Variants in GRK1 observed in about 807,000 individuals in gnomAD.
GRK1 encodes the protein rhodopsin kinase GRK1.
GRK1 carries 28 observed loss-of-function variants against 41.7 expected under a neutral mutation model. The ratio of observed to expected loss-of-function variants is 0.67; its 90% CI spans 0.50 to 0.92. GRK1 has a LOEUF of 0.92. Ranked by LOEUF, GRK1 falls within the 40% of genes least tolerant of loss-of-function variation. GRK1 has a pLI of 0.00. For missense variants in GRK1, 703 were observed against 671.2 expected, an observed-to-expected ratio of 1.05 and a Z score of -0.52; for synonymous variants, 327 against 286.7, an observed-to-expected ratio of 1.14 and a Z score of -1.42.
the GRK1 span, chr13:113,650,582 CGT>C: frequency 8.4e-7 from 1 of 1,187,756 alleles, no homozygotes; most frequent in East Asian, 2.3e-5. This position sits in a 1 kb window ranked among gnomAD's most constrained non-coding sequence, Gnocchi z 5.0. Flanking sequence ...CGTTTGTGTG[CGT>C]GTGTGCACAC....
At chr13:113,729,288 G>T (rs2049916486) in intron 4 of GRK1, among the ~76,000 whole-genome samples, 1 of 152,218 alleles carries the variant, frequency 6.6e-6, no homozygotes. Flanking sequence ...AGGCTCCATC[G>T]CTCCCTGATC....
At position 113,667,854 on chromosome 13, in the gene GRK1, C is replaced by A; in HGVS notation, c.468C>A (p.His156Gln). The A allele has an allele frequency of 6.3e-7, 1 of 1,588,874 alleles. No homozygotes were observed. The highest frequency in any genetic ancestry group is 8.6e-7 in the Non-Finnish European group (1 of 1,166,154). The change falls in exon 1 of 7, where the codon CAC (histidine) becomes CAA (glutamine). Residue 156 changes from histidine to glutamine, a missense_variant. By Grantham distance (24) the His-to-Gln change is conservative (BLOSUM62 0). Transcript: ENST00000335678. This position sits in a 1 kb window ranked among gnomAD's most constrained non-coding sequence, Gnocchi z 7.5. ...FQPLLQATLA[H>Q]LGQAPFQEYL... ...CCCTGCTGCAGGCCACCCTGGCACACCTGGGCCAAGCCCCCTTCCAGGAGT... is the reference window on the plus strand; with the variant it reads ...CCCTGCTGCAGGCCACCCTGGCACAACTGGGCCAAGCCCCCTTCCAGGAGT...
At chr13:113,729,193 G>A (rs1194935100) in intron 4 of GRK1, among the ~76,000 whole-genome samples, 3 of 152,206 alleles carry the variant, frequency 2.0e-5, no homozygotes, top group Non-Finnish European at 4.4e-5. Context: ...ACCTAGAGTA[G>A]GGGTGTTTGT....
At position 113,733,100 on chromosome 13, in the gene GRK1, C is replaced by T; in HGVS notation, c.1396+15C>T. 1.3e-6 allele frequency: 2 copies of T among 1,531,906 alleles called. No homozygotes were observed. The highest frequency in any genetic ancestry group is 2.4e-5 in the East Asian group (1 of 40,850). 94.9% of individuals were successfully genotyped at this position (1,531,906 alleles called of 1,614,324 possible). On this transcript the variant is annotated intron_variant, in intron 6 of 6. Coordinates refer to ENST00000335678, the MANE Select transcript of GRK1 (RefSeq NM_002929.3). ...GCTGGAGGCTGGTACTGTTGGACGC[C>T]TCAGCCCCGGAGAGGGTGGGGTTCT...
rs1186328227 is a variant in GRK1 at position 113,736,312 on chromosome 13, A to C, written c.*949A>C. 1 of 152,244 alleles carries C rather than the reference A, an allele frequency of 6.6e-6. No homozygotes were observed. Among genetic ancestry groups the C allele is most frequent in the East Asian group, 1.9e-4 (1 of 5,188 alleles). The allele number at this position is 152,244 out of a possible 1,614,324, so 9.4% of individuals were successfully genotyped here. On this transcript the variant is annotated 3_prime_UTR_variant, in exon 7 of 7. Transcript: ENST00000335678. Reference sequence around the variant, plus strand: ...ACACTTCAGGCCACGGGCCTTGTGCATAGGGACAGAGCTCCTTGCTGCAAC... The same window carrying C: ...ACACTTCAGGCCACGGGCCTTGTGCCTAGGGACAGAGCTCCTTGCTGCAAC...
chr13:113,734,075 T>C (rs540997125), intron 6 of GRK1, among the ~76,000 whole-genome samples: 4 of 152,220 alleles, frequency 2.6e-5, no homozygotes, highest in South Asian at 4.1e-4. Context: ...TGTGTGCGTG[T>C]ATGTGTGTGT....
At chr13:113,657,985 C>G in the GRK1 span, 1 of 1,474,856 alleles carries the variant, frequency 6.8e-7, no homozygotes. Context: ...GCTGCGTCCT[C>G]AGAGCGGCCC....
At position 113,667,228 on chromosome 13, in the gene GRK1, C is replaced by T; in HGVS notation, c.-159C>T. 1.4e-6 allele frequency: 1 copy of T among 722,814 alleles called. No homozygotes were observed. Among genetic ancestry groups the T allele is most frequent in the Non-Finnish European group, 2.2e-6 (1 of 454,906 alleles). 44.8% of individuals were successfully genotyped at this position (722,814 alleles called of 1,614,324 possible). On this transcript the variant is annotated 5_prime_UTR_variant, in exon 1 of 7. Transcript: ENST00000335678. The surrounding 1 kb of genome is among the most constrained non-coding windows in gnomAD (Gnocchi z 7.5). ...CTCCCAGGGGCTTCCCAGTGGTCCC[C>T]AGGAACCCTCGACAGGGCCAGGGCG...
At chr13:113,653,037 A>C in the GRK1 span, 1 of 1,613,420 alleles carries the variant, frequency 6.2e-7, no homozygotes, top group Non-Finnish European at 8.5e-7. Context: ...TCGGAGGTGC[A>C]GTTGATGCTG....
chr13:113,649,413 A>T, the GRK1 span: 1 of 1,591,734 alleles, frequency 6.3e-7, no homozygotes, highest in Non-Finnish European at 8.6e-7. The surrounding 1 kb of genome is among the most constrained non-coding windows in gnomAD (Gnocchi z 4.7). Flanking sequence ...CTTTCCCTTC[A>T]TACGGGTCGT....
At chr13:113,734,036 A>ATGTG (rs555370556) in intron 6 of GRK1, among the ~76,000 whole-genome samples, 1 of 107,856 alleles carries the variant, frequency 9.3e-6, no homozygotes, top group African/African-American at 3.3e-5. Context: ...GCGTGTGCGT[A>ATGTG]TGTGTGTGTG....
rs754377439 is a variant in GRK1, at chr13:113,669,805, G to A, written c.818G>A (p.Gly273Asp). ...LCLVMTIMNG[G>D]DIRYHIYNVN... ...CTGGTGATGACCATCATGAACGGAG[G>A]TGACATCAGGTAAGGGCTGGGCCAG... The change falls in exon 2 of 7, where the codon GGT (glycine) becomes GAT (aspartate). Residue 273 changes from glycine to aspartate, a missense_variant. Coordinates refer to ENST00000335678, the MANE Select transcript of GRK1 (RefSeq NM_002929.3). 1.9e-6 allele frequency: 3 copies of A among 1,613,920 alleles called. No homozygotes were observed. Among genetic ancestry groups the A allele is most frequent in the Non-Finnish European group, 2.5e-6 (3 of 1,179,830 alleles).
rs1014733808 is a variant in GRK1, at chr13:113,733,011, T to G, written c.1322T>G (p.Phe441Cys). Residue 441 changes from phenylalanine (F) to cysteine (C), a missense_variant, in exon 6 of 7, where the codon TTC becomes TGC. By Grantham distance (205) the Phe-to-Cys change is radical (BLOSUM62 -2). Coordinates refer to ENST00000335678, the MANE Select transcript of GRK1 (RefSeq NM_002929.3). ...AAGGACCCGGAGAAGCGCCTGGGGT[T>G]CAGAGATGAGACCTGCGACAAGCTC... is the stretch of plus-strand genomic sequence containing the variant. ...LEKDPEKRLG[F>C]RDETCDKLRA... 29 of 1,536,964 alleles carry G rather than the reference T, an allele frequency of 1.9e-5. No homozygotes were observed. Among genetic ancestry groups the G allele is most frequent in the Non-Finnish European group, 2.4e-5 (28 of 1,146,906 alleles).
chr13:113,733,903 GTGCA>G (rs1274077717), intron 6 of GRK1, among the ~76,000 whole-genome samples: 17 of 117,102 alleles, frequency 1.5e-4, no homozygotes, highest in Admixed American at 3.3e-4. Flanking sequence ...GTGTGTATGT[GTGCA>G]TACAGTGTGC....
At chr13:113,668,784 C>T (rs978911527) in intron 1 of GRK1, among the ~76,000 whole-genome samples, 3 of 152,220 alleles carry the variant, frequency 2.0e-5, no homozygotes, top group Admixed American at 1.3e-4. Flanking sequence ...TTTGACTCCA[C>T]GTGGCTCCTG....
chr13:113,734,072 G>C, intron 6 of GRK1, among the ~76,000 whole-genome samples: 1 of 152,130 alleles, frequency 6.6e-6, no homozygotes, highest in South Asian at 2.1e-4. Context: ...ATGTGTGTGC[G>C]TGTATGTGTG....
the GRK1 span, among the ~76,000 whole-genome samples, chr13:113,659,222 G>A: frequency 1.3e-5 from 2 of 152,244 alleles, no homozygotes; most frequent in African/African-American, 2.4e-5. Flanking sequence ...TTGGAGACAG[G>A]GGTCCTGGAT....
chr13:113,731,994 C>T lies in GRK1; in HGVS notation c.1194+651C>T, dbSNP rs771424127. On this transcript the variant is annotated intron_variant, in intron 5 of 6. Coordinates refer to ENST00000335678, the MANE Select transcript of GRK1 (RefSeq NM_002929.3). This position sits in a 1 kb window ranked among gnomAD's most constrained non-coding sequence, Gnocchi z 5.6. ...CCCCTGAGTGCCCCCTGGGCTGCCC[C>T]GGATCCTAGGCCACCAGAACTGCAA... Among the ~76,000 whole-genome samples the T allele has an allele frequency of 5.3e-5, 8 of 152,218 alleles. No homozygotes were observed. Among genetic ancestry groups the T allele is most frequent in the Non-Finnish European group, 8.8e-5 (6 of 68,026 alleles).
intron 6 of GRK1, among the ~76,000 whole-genome samples, chr13:113,733,944 G>A (rs867707293): frequency 1.3e-3 from 150 of 117,252 alleles, no homozygotes; most frequent in Middle Eastern, 0.011. Context: ...ATACGTGTGT[G>A]CGTGTGTGTG....
Sources: gnomAD v4.1 joint callset for allele counts (sites outside exome capture counted in the v4.1 genomes callset) on GRCh38, gnomAD v4.1.1 for gene constraint, Gnocchi (gnomAD v3.1) non-coding constraint, MANE v1.5 for transcripts, NCBI Gene and HGNC (gene_info 2026-07-23, HGNC 2026-07-21) for gene names.